Variants in NT5M observed in about 807,000 individuals in gnomAD.
NT5M encodes the protein 5',3'-nucleotidase, mitochondrial.
NT5M carries 22 observed loss-of-function variants against 22.2 expected under a neutral mutation model. The ratio of observed to expected loss-of-function variants is 0.99; its 90% CI spans 0.71 to 1.41. The LOEUF is 1.41. Among genes scored for constraint, NT5M ranks in the 40% most tolerant of loss-of-function variants. The pLI is 0.00. For missense variants in NT5M, 322 were observed against 314.8 expected (o/e 1.02, Z -0.17); for synonymous variants, 167 against 133.0 (o/e 1.26, Z -1.76).
intron 3 of NT5M, among the ~76,000 whole-genome samples, chr17:17,344,245 G>A (rs1425981609): frequency 6.6e-6 from 1 of 152,220 alleles, no homozygotes; most frequent in East Asian, 1.9e-4. Flanking sequence ...CCTGAAGAAA[G>A]CCTTCCTTGG....
At chr17:17,307,225 C>G (rs2048823007) in intron 2 of NT5M, among the ~76,000 whole-genome samples, 1 of 152,204 alleles carries the variant, frequency 6.6e-6, no homozygotes, top group South Asian at 2.1e-4. Context: ...GCAAATATCT[C>G]AGAACTGACT....
chr17:17,323,882 T>A (rs957628841), intron 3 of NT5M, among the ~76,000 whole-genome samples: 2 of 151,868 alleles, frequency 1.3e-5, no homozygotes, highest in African/African-American at 2.4e-5. Context: ...TGGATTCCCA[T>A]TTTTTTTGAG....
chr17:17,320,328 G>A (rs2049124798), intron 2 of NT5M, among the ~76,000 whole-genome samples: 1 of 152,170 alleles, frequency 6.6e-6, no homozygotes, highest in East Asian at 1.9e-4. Flanking sequence ...GGAGGTGGTT[G>A]CAGCCGCTCA....
intron 3 of NT5M, among the ~76,000 whole-genome samples, chr17:17,326,389 T>G (rs938790200): frequency 1.3e-5 from 2 of 152,154 alleles, no homozygotes; most frequent in African/African-American, 4.8e-5. Flanking sequence ...TGGAGAGGAT[T>G]TGGAAACCGC....
chr17:17,337,644 C>T (rs149620563), intron 3 of NT5M, among the ~76,000 whole-genome samples: 1,854 of 152,246 alleles, frequency 0.012, 10 homozygotes, highest in Non-Finnish European at 0.019. Context: ...CCCACCTCAG[C>T]CTCCCAAAGT....
At chr17:17,341,805 CG>C (rs1306039636) in intron 3 of NT5M, among the ~76,000 whole-genome samples, 1 of 152,142 alleles carries the variant, frequency 6.6e-6, no homozygotes, top group East Asian at 1.9e-4. Context: ...CCACGGTGGG[CG>C]GATCACAAGG....
intron 2 of NT5M, among the ~76,000 whole-genome samples, chr17:17,322,744 C>G (rs1303303308): frequency 6.6e-6 from 1 of 152,334 alleles, no homozygotes; most frequent in African/African-American, 2.4e-5. Flanking sequence ...GAGCTACGAC[C>G]TTGGGGATGT....
chr17:17,346,776 T>C, intron 4 of NT5M, 29 bp from the exon 5 acceptor site: 1 of 1,604,564 alleles, frequency 6.2e-7, no homozygotes, highest in Non-Finnish European at 8.5e-7. Context: ...TCTCCACTGC[T>C]GAGCTGAATG....
chr17:17,336,041 C>T (rs1248954499), intron 3 of NT5M, among the ~76,000 whole-genome samples: 1 of 131,318 alleles, frequency 7.6e-6, no homozygotes, highest in Non-Finnish European at 1.6e-5. Context: ...CTCGCTCTGT[C>T]ACCCAGGCTG....
intron 4 of NT5M, among the ~76,000 whole-genome samples, chr17:17,345,698 C>T (rs1174873743): frequency 5.9e-5 from 9 of 151,512 alleles, no homozygotes; most frequent in Admixed American, 5.9e-4. Context: ...GTGGTCCCTG[C>T]TACTCTGGAG....
chr17:17,345,377 A>T, intron 4 of NT5M: 1 of 573,168 alleles, frequency 1.7e-6, no homozygotes, highest in Non-Finnish European at 2.2e-6. Flanking sequence ...GAACTGCCGT[A>T]GAAAGGAGAG....
At chr17:17,332,509 A>G (rs952819662) in intron 3 of NT5M, among the ~76,000 whole-genome samples, 6 of 152,130 alleles carry the variant, frequency 3.9e-5, no homozygotes, top group African/African-American at 1.2e-4. Flanking sequence ...CTTTAGCTAC[A>G]TGTAGTTTTA....
At chr17:17,336,105 C>T (rs1295306993) in intron 3 of NT5M, among the ~76,000 whole-genome samples, 1 of 151,020 alleles carries the variant, frequency 6.6e-6, no homozygotes, top group East Asian at 2.0e-4. Flanking sequence ...TGGGTTCACA[C>T]CATTCTCCTG....
intron 2 of NT5M, among the ~76,000 whole-genome samples, chr17:17,317,031 TTTTTTGTTTTTG>T (rs1223215856): frequency 1.4e-5 from 2 of 141,200 alleles, no homozygotes; most frequent in East Asian, 2.2e-4. Context: ...AGGTTTTTTG[TTTTTTGTTTTTG>T]TTTTTGTTTT....
intron 2 of NT5M, among the ~76,000 whole-genome samples, chr17:17,316,153 G>A (rs945835076): frequency 1.3e-5 from 2 of 149,976 alleles, no homozygotes; most frequent in Non-Finnish European, 3.0e-5. Flanking sequence ...TATCTCCCGG[G>A]TAAAAGCAAT....
chr17:17,320,122 G>T (rs1341535959), intron 2 of NT5M, among the ~76,000 whole-genome samples: 1 of 152,230 alleles, frequency 6.6e-6, no homozygotes, highest in African/African-American at 2.4e-5. Flanking sequence ...GATTACAGGC[G>T]TGAGCCACCA....
intron 3 of NT5M, among the ~76,000 whole-genome samples, chr17:17,332,441 C>T (rs2049407942): frequency 6.6e-6 from 1 of 152,100 alleles, no homozygotes; most frequent in South Asian, 2.1e-4. Flanking sequence ...CATGGACTTC[C>T]TGCCTGCACT....
At position 17,303,424 on chromosome 17, in the gene NT5M, C is replaced by G; in HGVS notation, c.-127C>G. ...GCACCCCGCGCTCCCCGCCCCGCTC[C>G]CCGTCCCGCGCTCCACGCGCGCCCC... On this transcript the variant is annotated 5_prime_UTR_variant, in exon 1 of 5. Transcript: ENST00000389022. 2 of 987,604 alleles carry G rather than the reference C, an allele frequency of 2.0e-6. No individual in the cohort carries two copies. Among genetic ancestry groups the G allele is most frequent in the Non-Finnish European group, 2.4e-6 (2 of 829,584 alleles). 61.2% of individuals were successfully genotyped at this position (987,604 alleles called of 1,614,324 possible). A position where few individuals can be genotyped will look rare whatever the true frequency, so the allele number is the denominator to read the frequency against.
At chr17:17,331,672 G>T (rs973367357) in intron 3 of NT5M, among the ~76,000 whole-genome samples, 5 of 151,388 alleles carry the variant, frequency 3.3e-5, no homozygotes, top group Non-Finnish European at 7.4e-5. Context: ...ATAGCTCACT[G>T]CAGCCTCTAA....
Sources: allele counts gnomAD v4.1 joint callset (sites outside exome capture counted in the v4.1 genomes callset), GRCh38; gene constraint gnomAD v4.1.1; transcripts MANE v1.5; gene names NCBI Gene and HGNC (gene_info 2026-07-23, HGNC 2026-07-21).